Variants in CNTN5 observed in about 807,000 individuals in gnomAD.
CNTN5 encodes the protein contactin-5.
Under a neutral mutation model 129.1 loss-of-function variants are expected in CNTN5, and 77 were observed. The observed-to-expected ratio is 0.60, with a 90% CI of 0.50 to 0.72. CNTN5 has a LOEUF of 0.72. Among genes scored for constraint, CNTN5 ranks in the 30% least tolerant of loss-of-function variants. The probability of loss-of-function intolerance (pLI) is 0.00; values close to 1 mark genes in which losing one functional copy is unlikely to be tolerated. For synonymous variants in CNTN5, 509 were observed against 465.6 expected (o/e 1.09, Z -1.20); for missense variants, 1,478 against 1,328.8 (o/e 1.11, Z -1.75).
At chr11:100,164,756 A>G (rs1172123842) in intron 13 of CNTN5, among the ~76,000 whole-genome samples, 1 of 151,850 alleles carries the variant, frequency 6.6e-6, no homozygotes, top group Non-Finnish European at 1.5e-5. Context: ...TCAGAAAACC[A>G]GCATGTAATA....
chr11:99,617,076 A>G (rs1275776664), intron 3 of CNTN5, among the ~76,000 whole-genome samples: 2 of 152,174 alleles, frequency 1.3e-5, no homozygotes, highest in East Asian at 1.9e-4. Context: ...GTGCCATTGC[A>G]CTCTAGCCTG....
intron 3 of CNTN5, among the ~76,000 whole-genome samples, chr11:99,753,401 C>T (rs1213208080): frequency 2.6e-5 from 4 of 151,712 alleles, no homozygotes; most frequent in Non-Finnish European, 4.4e-5. Context: ...GGATTACAGA[C>T]GTGAGCCACC....
intron 2 of CNTN5, among the ~76,000 whole-genome samples, chr11:99,466,125 A>T (rs957646369): frequency 6.6e-6 from 1 of 151,872 alleles, no homozygotes; most frequent in Non-Finnish European, 1.5e-5. Flanking sequence ...CTCGTGATCC[A>T]CCCGCCTTGG....
intron 16 of CNTN5, among the ~76,000 whole-genome samples, chr11:100,238,408 CAAA>C (rs201855934): frequency 1.4e-5 from 1 of 71,322 alleles, no homozygotes; most frequent in Non-Finnish European, 2.8e-5. Flanking sequence ...CCTCACTTGT[CAAA>C]AAAAAAAAAA....
chr11:99,800,345 G>T (rs1437218581), intron 3 of CNTN5, among the ~76,000 whole-genome samples: 3 of 152,060 alleles, frequency 2.0e-5, no homozygotes, highest in African/African-American at 7.2e-5. Context: ...TTAACTTACT[G>T]AGACTTGCAT....
At chr11:99,161,860 A>G (rs565006820) in intron 1 of CNTN5, among the ~76,000 whole-genome samples, 40 of 152,156 alleles carry the variant, frequency 2.6e-4, no homozygotes, top group Non-Finnish European at 4.6e-4. Flanking sequence ...ATATTTAATC[A>G]CACTTTTACC....
At chr11:99,411,803 G>T (rs1942407251) in intron 2 of CNTN5, among the ~76,000 whole-genome samples, 1 of 152,160 alleles carries the variant, frequency 6.6e-6, no homozygotes, top group South Asian at 2.1e-4. Context: ...TAGCACTAAA[G>T]TCACTGTATA....
At chr11:99,085,587 T>G (rs1865974763) in intron 1 of CNTN5, among the ~76,000 whole-genome samples, 1 of 152,054 alleles carries the variant, frequency 6.6e-6, no homozygotes, top group Non-Finnish European at 1.5e-5. Flanking sequence ...TTTCTAAGAG[T>G]CTCCAAAGAC....
chr11:99,844,747 A>G, intron 4 of CNTN5, 105 bp from the exon 5 acceptor site: 1 of 1,132,896 alleles, frequency 8.8e-7, no homozygotes, highest in Non-Finnish European at 1.3e-6. Context: ...GTTGATTACA[A>G]GAAAAGAGCA....
chr11:99,248,675 T>C (rs372481833), intron 1 of CNTN5, among the ~76,000 whole-genome samples: 134 of 152,174 alleles, frequency 8.8e-4, no homozygotes, highest in African/African-American at 2.7e-3. Context: ...TTTCAGCTTT[T>C]TACATATGGC....
intron 1 of CNTN5, among the ~76,000 whole-genome samples, chr11:99,138,001 T>A (rs532600977): frequency 6.6e-6 from 1 of 152,358 alleles, no homozygotes; most frequent in East Asian, 1.9e-4. Flanking sequence ...AAAACACTTG[T>A]TCATACAATA....
Position 99,819,642 on chromosome 11 carries a change from C to A in CNTN5, c.154C>A (p.Pro52Thr), listed in dbSNP as rs202179266. ...ATCTCTCTTTGGTTCCAAAACCAGA[C>A]CACGATACAGCAGCCCTTCATTAGG... The part of the protein sequence containing the change: ...SSSLFGSKTR[P>T]RYSSPSLGTL... Residue 52 changes from proline (P) to threonine (T), a missense_variant, in exon 4 of 25, where the codon CCA (proline) becomes ACA (threonine). Transcript: ENST00000524871. 1 of 1,612,862 alleles carries A rather than the reference C, an allele frequency of 6.2e-7. No homozygotes were observed. Among genetic ancestry groups the A allele is most frequent in the East Asian group, 2.2e-5 (1 of 44,862 alleles).
intron 13 of CNTN5, among the ~76,000 whole-genome samples, chr11:100,167,249 A>G (rs1455831283): frequency 2.0e-5 from 3 of 151,886 alleles, no homozygotes; most frequent in African/African-American, 7.2e-5. Context: ...GAGAGTGATT[A>G]AGACATATAC....
At chr11:100,325,480 G>A (rs995363351) in intron 21 of CNTN5, among the ~76,000 whole-genome samples, 1 of 152,132 alleles carries the variant, frequency 6.6e-6, no homozygotes, top group Non-Finnish European at 1.5e-5. Context: ...AGTTATCAGA[G>A]TGTTTTCTAG....
chr11:99,474,715 A>G (rs912392122), intron 2 of CNTN5, among the ~76,000 whole-genome samples: 5 of 152,100 alleles, frequency 3.3e-5, no homozygotes, highest in African/African-American at 9.7e-5. Flanking sequence ...TAATGTCACT[A>G]TATTTTTTGA....
Position 99,522,889 on chromosome 11 carries a change from A to G in CNTN5, c.-70-33256A>G, listed in dbSNP as rs552406497. 2.0e-5 allele frequency among the ~76,000 whole-genome samples: 3 copies of G among 152,264 alleles called. No homozygotes were observed. In the East Asian group the frequency reaches 5.8e-4, roughly 29 times the overall value. On this transcript the variant is annotated intron_variant, in intron 2 of 24. Coordinates refer to ENST00000524871, the MANE Select transcript of CNTN5 (RefSeq NM_014361.4). ...CGCCCTTCCTTCATGTGTTACAAGA[A>G]TCATCCTTCCAAACAAATTTGATTA... is the stretch of plus-strand genomic sequence containing the variant.
chr11:99,311,064 G>T (rs1865092313), intron 1 of CNTN5, among the ~76,000 whole-genome samples: 1 of 152,038 alleles, frequency 6.6e-6, no homozygotes, highest in South Asian at 2.1e-4. Context: ...GAGCAGCTGG[G>T]ACTACAGGTG....
At chr11:99,422,080 A>G (rs368932741) in intron 2 of CNTN5, among the ~76,000 whole-genome samples, 1 of 152,166 alleles carries the variant, frequency 6.6e-6, no homozygotes, top group Non-Finnish European at 1.5e-5. Flanking sequence ...CAATCAAGTC[A>G]GTGAGAGGCG....
intron 18 of CNTN5, among the ~76,000 whole-genome samples, chr11:100,280,911 G>A (rs74703432): frequency 0.012 from 1,890 of 152,044 alleles, 9 homozygotes; most frequent in Middle Eastern, 0.02. Flanking sequence ...ATTTTAAGCC[G>A]GTAATAACTT....
Sources: allele counts gnomAD v4.1 joint callset (sites outside exome capture counted in the v4.1 genomes callset), GRCh38; gene constraint gnomAD v4.1.1; transcripts MANE v1.5; gene names NCBI Gene and HGNC (gene_info 2026-07-23, HGNC 2026-07-21).